DOK6: variants seen among roughly 807,000 people sequenced by gnomAD.
DOK6 encodes downstream of tyrosine kinase 6.
In DOK6, 22 loss-of-function variants were observed where a neutral mutation model predicts 44.0. The observed-to-expected ratio is 0.50, with a 90% CI of 0.36 to 0.71. DOK6 has a LOEUF of 0.71. Among genes scored for constraint, DOK6 ranks in the 30% least tolerant of loss-of-function variants. The pLI is 0.00. For missense variants in DOK6, 340 were observed against 416.4 expected (o/e 0.82, Z 1.60); for synonymous variants, 166 against 145.5 (o/e 1.14, Z -1.01).
intron 1 of DOK6, among the ~76,000 whole-genome samples, chr18:69,489,464 C>T (rs554210514): frequency 6.6e-6 from 1 of 152,118 alleles, no homozygotes; most frequent in East Asian, 1.9e-4. Context: ...TTGAAATCAG[C>T]CATAGTGGGG....
At chr18:69,740,444 A>G (rs1291442924) in intron 6 of DOK6, among the ~76,000 whole-genome samples, 1 of 152,236 alleles carries the variant, frequency 6.6e-6, no homozygotes, top group Non-Finnish European at 1.5e-5. Context: ...GGGGCTAACC[A>G]TGATGTCACT....
At chr18:69,685,556 C>T (rs1247496347) in intron 4 of DOK6, among the ~76,000 whole-genome samples, 1 of 152,176 alleles carries the variant, frequency 6.6e-6, no homozygotes, top group Non-Finnish European at 1.5e-5. Flanking sequence ...ATTGGGTGCA[C>T]ATTAAACAAG....
chr18:69,787,488 C>T (rs1241486764), intron 7 of DOK6, among the ~76,000 whole-genome samples: 1 of 152,148 alleles, frequency 6.6e-6, no homozygotes, highest in Non-Finnish European at 1.5e-5. Context: ...AAGGAAGAAT[C>T]ATGAAAGTCA....
chr18:69,656,546 C>A (rs1034108976), intron 3 of DOK6, among the ~76,000 whole-genome samples: 3 of 151,966 alleles, frequency 2.0e-5, no homozygotes, highest in Non-Finnish European at 4.4e-5. Context: ...TTGTCACCGG[C>A]ACATAGTATA....
chr18:69,423,311 A>ACAAACAAT lies in DOK6; in HGVS notation c.66+22008_66+22009insTCAAACAA, dbSNP rs1464570480. Among the ~76,000 whole-genome samples, 1,055 of 151,670 alleles carry ACAAACAAT rather than the reference A, an allele frequency of 7.0e-3. 14 individuals carry two copies. Among genetic ancestry groups the ACAAACAAT allele is most frequent in the African/African-American group, 0.023 (957 of 41,324 alleles). On this transcript the variant is annotated intron_variant, in intron 1 of 7. Coordinates refer to ENST00000382713, the MANE Select transcript of DOK6 (RefSeq NM_152721.6). ...AGTGAGATCCTGTCTCAACAAACAAACAAACAAAAACAACAAAAAATGTTG... is the reference window on the plus strand; with the variant it reads ...AGTGAGATCCTGTCTCAACAAACAAACAAACAATCAAACAAAAACAACAAAAAATGTTG...
intron 7 of DOK6, among the ~76,000 whole-genome samples, chr18:69,811,694 T>C (rs1981244571): frequency 6.6e-6 from 1 of 151,784 alleles, no homozygotes; most frequent in South Asian, 2.1e-4. Context: ...ATTCTATGGG[T>C]AAATCCCAAG....
At chr18:69,682,990 G>A (rs1476194210) in intron 4 of DOK6, among the ~76,000 whole-genome samples, 2 of 152,038 alleles carry the variant, frequency 1.3e-5, no homozygotes, top group Admixed American at 6.6e-5. Context: ...ACAAAACAAC[G>A]GCCACAGTAA....
At chr18:69,606,542 G>A (rs1274280708) in intron 3 of DOK6, among the ~76,000 whole-genome samples, 1 of 151,776 alleles carries the variant, frequency 6.6e-6, no homozygotes, top group Non-Finnish European at 1.5e-5. Flanking sequence ...AGCACTGTAA[G>A]TCCTACCCAG....
At chr18:69,778,326 G>C (rs1980145086) in intron 7 of DOK6, among the ~76,000 whole-genome samples, 1 of 152,126 alleles carries the variant, frequency 6.6e-6, no homozygotes, top group Non-Finnish European at 1.5e-5. Context: ...ATGCACGAGA[G>C]TTAGCCAGTT....
At chr18:69,803,881 A>G (rs1285659293) in intron 7 of DOK6, among the ~76,000 whole-genome samples, 5 of 152,136 alleles carry the variant, frequency 3.3e-5, no homozygotes, top group Non-Finnish European at 7.4e-5. Context: ...TATAGCTATG[A>G]CCCACACTGT....
chr18:69,715,349 C>CT (rs1482348023), intron 5 of DOK6, among the ~76,000 whole-genome samples: 1 of 152,122 alleles, frequency 6.6e-6, no homozygotes, highest in East Asian at 1.9e-4. Flanking sequence ...CCATTGATGT[C>CT]TTCTTTAAAA....
In DOK6 at chr18:69,827,577, A is replaced by AT. The variant is rs1368388169; in HGVS notation, c.857-13660dup. Among the ~76,000 whole-genome samples the AT allele has an allele frequency of 3.3e-5, 5 of 152,134 alleles. No homozygotes were observed. In the East Asian group the frequency reaches 7.7e-4, roughly 23 times the overall value. On this transcript the variant is annotated intron_variant, in intron 7 of 7. Coordinates refer to ENST00000382713, the MANE Select transcript of DOK6 (RefSeq NM_152721.6). Reference sequence around the variant, plus strand: ...TTCAGATCTTTATCAAGTTAAGCAAATTTTTTTAACACATATCGTCGAAGT... The same window carrying AT: ...TTCAGATCTTTATCAAGTTAAGCAAATTTTTTTTAACACATATCGTCGAAGT...
In DOK6 at chr18:69,706,405, T is replaced by C. The variant is rs139916347; in HGVS notation, c.599+7812T>C. Reference sequence around the variant, plus strand: ...AGGAAGTGCTTACAACCGAAAGTTTTCTAAAGTTATATGCCCTAAAAAACA... The same window carrying C: ...AGGAAGTGCTTACAACCGAAAGTTTCCTAAAGTTATATGCCCTAAAAAACA... On this transcript the variant is annotated intron_variant, in intron 5 of 7. Transcript: ENST00000382713. Among the ~76,000 whole-genome samples the C allele has an allele frequency of 3.7e-3, 560 of 152,298 alleles. 6 individuals carry two copies. The highest frequency in any genetic ancestry group is 0.013 in the African/African-American group (542 of 41,568).
chr18:69,659,563 A>G (rs868170707), intron 3 of DOK6, among the ~76,000 whole-genome samples: 1 of 152,240 alleles, frequency 6.6e-6, no homozygotes, highest in Middle Eastern at 3.4e-3. Context: ...AGTCAAGGGC[A>G]CTCGGGACAT....
At chr18:69,459,874 G>A (rs1979740083) in intron 1 of DOK6, among the ~76,000 whole-genome samples, 1 of 152,164 alleles carries the variant, frequency 6.6e-6, no homozygotes, top group African/African-American at 2.4e-5. Flanking sequence ...GGTGTTATAT[G>A]TGTGGGTAAA....
At chr18:69,508,947 CT>C (rs1475996503) in intron 1 of DOK6, among the ~76,000 whole-genome samples, 1 of 152,110 alleles carries the variant, frequency 6.6e-6, no homozygotes, top group Non-Finnish European at 1.5e-5. Context: ...ATCTTTGTTG[CT>C]TTTAAAAGCA....
At position 69,848,194 on chromosome 18, in the gene DOK6, T is replaced by C. The variant is rs1982394144; in HGVS notation, c.*6811T>C. 1 of 152,226 alleles carries C rather than the reference T, an allele frequency of 6.6e-6. No homozygotes were observed. The highest frequency in any genetic ancestry group is 2.1e-4 in the South Asian group (1 of 4,834). 9.4% of individuals were successfully genotyped at this position (152,226 alleles called of 1,614,324 possible). A position where few individuals can be genotyped will look rare whatever the true frequency, so the allele number is the denominator to read the frequency against. ...CTAAAATATATTAAATAATGTGTTA[T>C]ATATTTGCTTTTTGTAAATCTTTAT... On this transcript the variant is annotated 3_prime_UTR_variant, in exon 8 of 8. Coordinates refer to ENST00000382713, the MANE Select transcript of DOK6 (RefSeq NM_152721.6).
rs1555701808 is a variant in DOK6 at position 69,439,161 on chromosome 18, G to GGAATT, written c.66+37855_66+37856insTGAAT. Among the ~76,000 whole-genome samples, 4 of 152,040 alleles carry GGAATT rather than the reference G, an allele frequency of 2.6e-5. 1 individual carries two copies. Among genetic ancestry groups the GGAATT allele is most frequent in the Admixed American group, 2.6e-4 (4 of 15,246 alleles). ...GTCAATGATCTGTAATATTTCAAAA[G>GGAATT]GAATCTCTTTTTCTAAGCAGTAGGT... On this transcript the variant is annotated intron_variant, in intron 1 of 7. Transcript: ENST00000382713.
At chr18:69,749,940 C>CA (rs554880939) in intron 6 of DOK6, among the ~76,000 whole-genome samples, 2,573 of 104,862 alleles carry the variant, frequency 0.025, 57 homozygotes, top group African/African-American at 0.062. Flanking sequence ...GAGACTCCAT[C>CA]AAAAAAAAAA....
Sources: gnomAD v4.1 joint callset for allele counts (sites outside exome capture counted in the v4.1 genomes callset) on GRCh38, gnomAD v4.1.1 for gene constraint, MANE v1.5 for transcripts, NCBI Gene and HGNC (gene_info 2026-07-23, HGNC 2026-07-21) for gene names.